Variants in PTPRO observed in about 807,000 individuals in gnomAD.
PTPRO encodes the protein receptor-type tyrosine-protein phosphatase O.
Under a neutral mutation model 145.2 loss-of-function variants are expected in PTPRO, and 62 were observed. The observed-to-expected ratio is 0.43, with a 90% CI of 0.35 to 0.53. PTPRO has a LOEUF of 0.53. Ranked by LOEUF, PTPRO falls within the 20% of genes least tolerant of loss-of-function variation. The pLI is 0.01. For synonymous variants in PTPRO, 565 were observed against 514.7 expected (o/e 1.10, Z -1.32); for missense variants, 1,345 against 1,482.7 (o/e 0.91, Z 1.53).
chr12:15,507,513 A>G (rs977142025), intron 6 of PTPRO, among the ~76,000 whole-genome samples: 4 of 152,236 alleles, frequency 2.6e-5, no homozygotes, highest in African/African-American at 9.6e-5. Context: ...AACAGTTTAC[A>G]TGCTGAAAAG....
intron 2 of PTPRO, among the ~76,000 whole-genome samples, chr12:15,485,520 T>C (rs1007373170): frequency 5.3e-5 from 8 of 152,170 alleles, no homozygotes; most frequent in African/African-American, 1.7e-4. Context: ...TTATGCTTGC[T>C]TAATAGATGA....
intron 1 of PTPRO, among the ~76,000 whole-genome samples, chr12:15,479,410 C>T (rs1941731466): frequency 1.3e-5 from 2 of 152,220 alleles, no homozygotes; most frequent in Non-Finnish European, 2.9e-5. Context: ...GGACAGACGG[C>T]AGCCTGTGTT....
intron 1 of PTPRO, among the ~76,000 whole-genome samples, chr12:15,390,766 T>C (rs1939167805): frequency 9.9e-6 from 1 of 100,992 alleles, no homozygotes; most frequent in Admixed American, 9.4e-5. Context: ...GGGTAAGAGA[T>C]GGTCTGAGAG....
intron 1 of PTPRO, among the ~76,000 whole-genome samples, chr12:15,394,067 G>A (rs965861943): frequency 2.0e-5 from 3 of 151,996 alleles, no homozygotes; most frequent in African/African-American, 7.2e-5. Context: ...GCCATGAATG[G>A]ACTAATACAT....
chr12:15,416,696 C>T (rs1939988226), intron 1 of PTPRO, among the ~76,000 whole-genome samples: 1 of 149,906 alleles, frequency 6.7e-6, no homozygotes, highest in African/African-American at 2.5e-5. Flanking sequence ...TTCTTGTATC[C>T]TATCAGTGGT....
At chr12:15,405,403 T>C (rs1277748580) in intron 1 of PTPRO, among the ~76,000 whole-genome samples, 2 of 152,176 alleles carry the variant, frequency 1.3e-5, no homozygotes, top group African/African-American at 4.8e-5. Flanking sequence ...GACCAAACTT[T>C]TATCATTTCA....
At chr12:15,583,349 C>T (rs561255073) in intron 23 of PTPRO, among the ~76,000 whole-genome samples, 3 of 151,912 alleles carry the variant, frequency 2.0e-5, no homozygotes, top group South Asian at 2.1e-4. Context: ...TGTAGTGGTA[C>T]ACACCTGTAG....
At position 15,447,335 on chromosome 12, in the gene PTPRO, G is replaced by A. The variant is rs11056493; in HGVS notation, c.76-36639G>A. On this transcript the variant is annotated intron_variant, in intron 1 of 26. Coordinates refer to ENST00000281171, the MANE Select transcript of PTPRO (RefSeq NM_030667.3). ...AATCTGGAATAAAAAACTGCAGCAG[G>A]TTCTTATTGCTCAATTCCAGCCCAT... Among the ~76,000 whole-genome samples the A allele has an allele frequency of 5.8e-3, 879 of 152,166 alleles. 52 individuals are homozygous for A. The East Asian group carries it at 0.14, about 24-fold the overall frequency.
In PTPRO at chr12:15,322,636, T is replaced by C. The variant is rs997308395; in HGVS notation, c.-91T>C. On this transcript the variant is annotated 5_prime_UTR_variant, in exon 1 of 27. Transcript: ENST00000281171. The surrounding 1 kb of genome is among the most constrained non-coding windows in gnomAD (Gnocchi z 6.3). Reference sequence around the variant, plus strand: ...CCAGGAGCAACCTCGGCGCCCAGGGTCTGAGGCTGCAGCCCCAGTTCGCCA... The same window carrying C: ...CCAGGAGCAACCTCGGCGCCCAGGGCCTGAGGCTGCAGCCCCAGTTCGCCA... The C allele has an allele frequency of 9.0e-7, 1 of 1,112,144 alleles. No individual in the cohort carries two copies. The highest frequency in any genetic ancestry group is 1.6e-5 in the African/African-American group (1 of 64,494). The allele number at this position is 1,112,144 out of a possible 1,614,324, so 68.9% of individuals were successfully genotyped here. A position where few individuals can be genotyped will look rare whatever the true frequency, so the allele number is the denominator to read the frequency against.
Position 15,552,822 on chromosome 12 carries a change from CAG to C in PTPRO, c.2558+1154_2558+1155del, listed in dbSNP as rs536847065. 1.8e-3 allele frequency among the ~76,000 whole-genome samples: 144 copies of C among 78,046 alleles called. No homozygotes were observed. In the Middle Eastern group the frequency reaches 0.11, roughly 57 times the overall value. The allele number at this position is 78,046 out of a possible 152,430, so 51.2% of individuals were successfully genotyped here. On this transcript the variant is annotated intron_variant, in intron 15 of 26. Coordinates refer to ENST00000281171, the MANE Select transcript of PTPRO (RefSeq NM_030667.3). Reference sequence around the variant, plus strand: ...TTTTTTTTTTTTTTTTTTTTTGAGACAGAGTCTCACTCTGTCGCCCAGGCTGG... The same window carrying C: ...TTTTTTTTTTTTTTTTTTTTTGAGACAGTCTCACTCTGTCGCCCAGGCTGG...
chr12:15,547,610 T>A (rs544988992), intron 13 of PTPRO, among the ~76,000 whole-genome samples: 1 of 152,312 alleles, frequency 6.6e-6, no homozygotes, highest in Non-Finnish European at 1.5e-5. Context: ...TATGAATGTA[T>A]CTCTTGTTGA....
At chr12:15,411,451 G>A (rs992302046) in intron 1 of PTPRO, among the ~76,000 whole-genome samples, 3 of 152,168 alleles carry the variant, frequency 2.0e-5, no homozygotes, top group East Asian at 1.9e-4. Flanking sequence ...GTTCTTCCTG[G>A]ACATATGCCT....
chr12:15,370,104 A>G lies in PTPRO; in HGVS notation c.75+47303A>G, dbSNP rs1336382112. 2.0e-5 allele frequency among the ~76,000 whole-genome samples: 3 copies of G among 152,306 alleles called. No homozygotes were observed. In the East Asian group the frequency reaches 5.8e-4, roughly 29 times the overall value. On this transcript the variant is annotated intron_variant, in intron 1 of 26. Transcript: ENST00000281171. ...CCTCAAGGAAGTGTATGTTATCTCA[A>G]TTATATGACACATATTTTAACAGAA...
intron 1 of PTPRO, among the ~76,000 whole-genome samples, chr12:15,476,813 A>G (rs1941664950): frequency 6.8e-6 from 1 of 146,294 alleles, no homozygotes; most frequent in Admixed American, 6.9e-5. Context: ...ATCATCTCAC[A>G]CCAGTTAGAA....
chr12:15,478,425 A>G (rs1269251047), intron 1 of PTPRO, among the ~76,000 whole-genome samples: 1 of 152,206 alleles, frequency 6.6e-6, no homozygotes, highest in Non-Finnish European at 1.5e-5. Flanking sequence ...CTACAGATGA[A>G]TGAGCCTGGC....
intron 1 of PTPRO, among the ~76,000 whole-genome samples, chr12:15,324,581 T>C (rs768420181): frequency 2.0e-5 from 3 of 152,204 alleles, no homozygotes; most frequent in Non-Finnish European, 4.4e-5. Context: ...AGTAAATACA[T>C]TGGCAAAGTT....
chr12:15,591,479 T>C (rs1464386157), intron 25 of PTPRO, among the ~76,000 whole-genome samples: 3 of 152,294 alleles, frequency 2.0e-5, no homozygotes, highest in Non-Finnish European at 4.4e-5. Context: ...CTCCATCCCA[T>C]TTTTAGGGTC....
intron 3 of PTPRO, among the ~76,000 whole-genome samples, chr12:15,498,648 A>G (rs887094831): frequency 5.2e-5 from 7 of 134,748 alleles, no homozygotes; most frequent in Non-Finnish European, 7.8e-5. Context: ...AAATTCCACA[A>G]AGTATTATGT....
At chr12:15,581,828 C>T in intron 23 of PTPRO, 27 bp downstream of exon 23, 2 of 1,613,090 alleles carry the variant, frequency 1.2e-6, no homozygotes, top group Non-Finnish European at 1.7e-6. Flanking sequence ...AGAGCAGGTG[C>T]TGTCCCTATG....
Sources: gnomAD v4.1 joint callset for allele counts (sites outside exome capture counted in the v4.1 genomes callset) on GRCh38, gnomAD v4.1.1 for gene constraint, Gnocchi (gnomAD v3.1) non-coding constraint, MANE v1.5 for transcripts, NCBI Gene and HGNC (gene_info 2026-07-23, HGNC 2026-07-21) for gene names.